The following PTPRR variants were observed in gnomAD, a reference collection of about 807,000 sequenced individuals.
PTPRR encodes protein tyrosine phosphatase receptor type R.
PTPRR carries 38 observed loss-of-function variants against 77.2 expected under a neutral mutation model. The observed-to-expected ratio is 0.49, with a 90% CI of 0.38 to 0.65. The LOEUF (loss-of-function observed/expected upper bound fraction) is 0.65, where lower values mean the gene tolerates loss of function less well. Among genes scored for constraint, PTPRR ranks in the 30% least tolerant of loss-of-function variants. The probability of loss-of-function intolerance (pLI) is 0.00; values close to 1 mark genes in which losing one functional copy is unlikely to be tolerated. For synonymous variants in PTPRR, 299 were observed against 283.1 expected (o/e 1.06, Z -0.57); for missense variants, 744 against 799.2 (o/e 0.93, Z 0.83).
chr12:70,865,534 G>C (rs1216364371), intron 2 of PTPRR, among the ~76,000 whole-genome samples: 38 of 152,080 alleles, frequency 2.5e-4, no homozygotes, highest in Admixed American at 1.5e-3. Context: ...GGCTGAGAGA[G>C]TCAGGCAGAA....
At chr12:70,644,145 G>A (rs977965524) in intron 13 of PTPRR, among the ~76,000 whole-genome samples, 3 of 152,138 alleles carry the variant, frequency 2.0e-5, no homozygotes, top group East Asian at 1.9e-4. Context: ...TGCCTCTGGC[G>A]TTTTGTCATT....
intron 2 of PTPRR, among the ~76,000 whole-genome samples, chr12:70,846,231 AC>A (rs1265265822): frequency 3.3e-5 from 5 of 152,314 alleles, no homozygotes; most frequent in Admixed American, 1.3e-4. Context: ...CTAGCTACGG[AC>A]CAGAAAAAAG....
intron 10 of PTPRR, among the ~76,000 whole-genome samples, chr12:70,671,310 T>C (rs1425667791): frequency 6.6e-6 from 1 of 152,036 alleles, no homozygotes. Context: ...TTTTAAAGAG[T>C]AATGAATAAT....
intron 2 of PTPRR, among the ~76,000 whole-genome samples, chr12:70,767,245 T>C (rs1890848630): frequency 6.6e-6 from 1 of 151,898 alleles, no homozygotes; most frequent in Non-Finnish European, 1.5e-5. Flanking sequence ...TCAAGACCCA[T>C]CAGTGTGCTG....
chr12:70,785,851 A>T (rs1891310184), intron 2 of PTPRR, among the ~76,000 whole-genome samples: 1 of 152,216 alleles, frequency 6.6e-6, no homozygotes, highest in South Asian at 2.1e-4. Flanking sequence ...CTTGTTTTTA[A>T]CAGAGTTTTC....
intron 2 of PTPRR, among the ~76,000 whole-genome samples, chr12:70,812,413 A>G (rs1289894656): frequency 6.6e-6 from 1 of 152,206 alleles, no homozygotes; most frequent in Non-Finnish European, 1.5e-5. Context: ...TTACTATCCC[A>G]GGTGGACTAC....
chr12:70,899,573 C>A (rs988756493), intron 1 of PTPRR, among the ~76,000 whole-genome samples: 6 of 151,334 alleles, frequency 4.0e-5, no homozygotes, highest in Admixed American at 2.6e-4. Context: ...ATGTTCTCAA[C>A]CTGATAAAAG....
intron 2 of PTPRR, among the ~76,000 whole-genome samples, chr12:70,773,990 G>C (rs1351029675): frequency 6.6e-6 from 1 of 152,166 alleles, no homozygotes; most frequent in Non-Finnish European, 1.5e-5. Flanking sequence ...GCATACCTGG[G>C]AGACTAGAAA....
At chr12:70,748,307 C>T (rs1343049577) in intron 5 of PTPRR, among the ~76,000 whole-genome samples, 1 of 152,146 alleles carries the variant, frequency 6.6e-6, no homozygotes, top group Non-Finnish European at 1.5e-5. Context: ...CCTCCAAAGT[C>T]TCATGTCCTT....
At chr12:70,780,722 T>C (rs537270573) in intron 2 of PTPRR, among the ~76,000 whole-genome samples, 2 of 152,354 alleles carry the variant, frequency 1.3e-5, no homozygotes, top group African/African-American at 4.8e-5. Flanking sequence ...GGAAATGCTT[T>C]ATTCCCCAGC....
chr12:70,766,858 T>C (rs950956768), intron 2 of PTPRR, among the ~76,000 whole-genome samples: 3 of 152,062 alleles, frequency 2.0e-5, no homozygotes, highest in Non-Finnish European at 2.9e-5. Context: ...GGGGCCAATA[T>C]TCAACATTCT....
intron 2 of PTPRR, among the ~76,000 whole-genome samples, chr12:70,835,926 G>C (rs530684210): frequency 6.6e-6 from 1 of 152,052 alleles, no homozygotes; most frequent in South Asian, 2.1e-4. Flanking sequence ...ACATTTTGCA[G>C]AGGTGGCCAT....
intron 6 of PTPRR, among the ~76,000 whole-genome samples, chr12:70,705,590 ATTAAGT>A (rs1888590390): frequency 6.6e-6 from 1 of 152,092 alleles, no homozygotes; most frequent in African/African-American, 2.4e-5. Context: ...GGATTATGAA[ATTAAGT>A]TTCAGTGGGA....
At chr12:70,737,170 C>T (rs1374750570) in intron 6 of PTPRR, among the ~76,000 whole-genome samples, 1 of 152,086 alleles carries the variant, frequency 6.6e-6, no homozygotes, top group East Asian at 1.9e-4. Context: ...AGGCTCAGCC[C>T]CCTCACCTCA....
At chr12:70,887,738 G>T (rs1893265193) in intron 2 of PTPRR, among the ~76,000 whole-genome samples, 2 of 152,044 alleles carry the variant, frequency 1.3e-5, no homozygotes, top group Admixed American at 6.6e-5. Flanking sequence ...AGAGCAGTTT[G>T]CAGGGAGTCA....
chr12:70,820,227 G>A (rs1273265769), intron 2 of PTPRR, among the ~76,000 whole-genome samples: 3 of 152,124 alleles, frequency 2.0e-5, no homozygotes, highest in Admixed American at 6.6e-5. Context: ...TATTGTCTTG[G>A]CAGAAAATGA....
intron 2 of PTPRR, among the ~76,000 whole-genome samples, chr12:70,889,271 C>G (rs191998068): frequency 3.3e-5 from 5 of 152,202 alleles, no homozygotes; most frequent in African/African-American, 1.2e-4. Context: ...GTTATTTATC[C>G]ACATCACACA....
intron 2 of PTPRR, among the ~76,000 whole-genome samples, chr12:70,829,339 G>A (rs929018694): frequency 6.6e-6 from 1 of 152,124 alleles, no homozygotes; most frequent in African/African-American, 2.4e-5. Context: ...ACTTGAGGAA[G>A]AATAGTAAGG....
In PTPRR at chr12:70,773,071, A is replaced by G. The variant is rs568251027; in HGVS notation, c.358-8293T>C. 1.4e-4 allele frequency among the ~76,000 whole-genome samples: 21 copies of G among 152,144 alleles called. No homozygotes were observed. In the South Asian group the frequency reaches 1.5e-3, roughly 11 times the overall value. ...ACAGATATATTACTCTAATCTTTGC[A>G]TCTGTCATCACTTGGCTTTCTCCTC... is the stretch of plus-strand genomic sequence containing the variant. On this transcript the variant is annotated intron_variant, in intron 2 of 13. Transcript: ENST00000283228.
Sources: allele counts gnomAD v4.1 joint callset (sites outside exome capture counted in the v4.1 genomes callset), GRCh38; gene constraint gnomAD v4.1.1; transcripts MANE v1.5; gene names NCBI Gene and HGNC (gene_info 2026-07-23, HGNC 2026-07-21).